The following UST variants were observed in gnomAD, a reference collection of about 807,000 sequenced individuals.
UST encodes the protein uronyl 2-sulfotransferase.
In UST, 21 loss-of-function variants were observed where a neutral mutation model predicts 45.6. The observed-to-expected ratio is 0.46, with a 90% CI of 0.33 to 0.66. The LOEUF is 0.66. Ranked by LOEUF, UST falls within the 30% of genes least tolerant of loss-of-function variation. UST has a pLI of 0.02. For synonymous variants in UST, 215 were observed against 200.6 expected, an observed-to-expected ratio of 1.07 and a Z score of -0.61; for missense variants, 463 against 512.4, an observed-to-expected ratio of 0.90 and a Z score of 0.93.
Position 148,985,317 on chromosome 6 carries a change from C to T in UST, c.681+20754C>T, listed in dbSNP as rs185592387. Among the ~76,000 whole-genome samples the T allele has an allele frequency of 3.0e-3, 450 of 152,112 alleles. 2 individuals are homozygous for T. Among genetic ancestry groups the T allele is most frequent in the Non-Finnish European group, 5.0e-3 (338 of 68,010 alleles). ...GTTGTTGAATTAGAGCCATGGGGTG[C>T]GTATCAGGGATGAGGATAAAAGAGC... On this transcript the variant is annotated intron_variant, in intron 5 of 7. Coordinates refer to ENST00000367463, the MANE Select transcript of UST (RefSeq NM_005715.3).
intron 2 of UST, among the ~76,000 whole-genome samples, chr6:148,925,663 G>A (rs573707452): frequency 1.3e-5 from 2 of 152,266 alleles, no homozygotes; most frequent in South Asian, 4.2e-4. Context: ...AAATAAAATT[G>A]CATTTCTGCA....
chr6:149,046,748 C>T (rs1043024932), intron 7 of UST, among the ~76,000 whole-genome samples: 1 of 152,252 alleles, frequency 6.6e-6, no homozygotes, highest in Non-Finnish European at 1.5e-5. Flanking sequence ...CCGTTTCCGT[C>T]TGCAATAGGG....
intron 2 of UST, among the ~76,000 whole-genome samples, chr6:148,889,798 T>C (rs17079511): frequency 0.21 from 31,188 of 151,922 alleles, 3,914 homozygotes; most frequent in African/African-American, 0.34. Flanking sequence ...TTTGCTGGGA[T>C]TGTCAGTGCC....
rs75187668 is a variant in UST at position 148,791,240 on chromosome 6, A to G, written c.247+43563A>G. ...TGCACAGGACAGTTCCCGCAGGAAC[A>G]ATTATCTGGCCCCAAATGTCAGGAG... On this transcript the variant is annotated intron_variant, in intron 1 of 7. Coordinates refer to ENST00000367463, the MANE Select transcript of UST (RefSeq NM_005715.3). Among the ~76,000 whole-genome samples, 1,279 of 152,296 alleles carry G rather than the reference A, an allele frequency of 8.4e-3. 58 individuals are homozygous for G. The East Asian group carries it at 0.13, about 16-fold the overall frequency.
rs1381378736 is a variant in UST at position 148,789,451 on chromosome 6, TCTCACACA to T, written c.247+41776_247+41783del. Among the ~76,000 whole-genome samples the T allele has an allele frequency of 3.2e-3, 424 of 132,968 alleles. 4 individuals are homozygous for T. Among genetic ancestry groups the T allele is most frequent in the African/African-American group, 0.01 (361 of 35,642 alleles). The allele number at this position is 132,968 out of a possible 152,430, so 87.2% of individuals were successfully genotyped here. A position where few individuals can be genotyped will look rare whatever the true frequency, so the allele number is the denominator to read the frequency against. ...ATCTCTCTCTCTCTCTCTCTCTCTC[TCTCACACA>T]CACACACACACACACACACACACAC... On this transcript the variant is annotated intron_variant, in intron 1 of 7. Coordinates refer to ENST00000367463, the MANE Select transcript of UST (RefSeq NM_005715.3).
chr6:148,914,186 A>G (rs924685965), intron 2 of UST, among the ~76,000 whole-genome samples: 1 of 152,202 alleles, frequency 6.6e-6, no homozygotes, highest in African/African-American at 2.4e-5. Flanking sequence ...CTGCATTAGG[A>G]GATACATAAG....
chr6:148,890,337 G>T (rs1778992417), intron 2 of UST, among the ~76,000 whole-genome samples: 4 of 152,110 alleles, frequency 2.6e-5, no homozygotes, highest in Admixed American at 2.0e-4. Flanking sequence ...TAGACCACTG[G>T]CTTATCCAGG....
At chr6:148,912,052 C>T (rs1450395789) in intron 2 of UST, among the ~76,000 whole-genome samples, 1 of 152,142 alleles carries the variant, frequency 6.6e-6, no homozygotes, top group Non-Finnish European at 1.5e-5. Context: ...TAAAAATTAG[C>T]TGGGCATGGT....
chr6:148,905,384 G>A (rs956726555), intron 2 of UST, among the ~76,000 whole-genome samples: 3 of 152,148 alleles, frequency 2.0e-5, no homozygotes, highest in Admixed American at 2.0e-4. Context: ...TTCTCTTCTA[G>A]GCTCACACCC....
At chr6:148,993,041 A>C (rs533323102) in intron 5 of UST, 2 of 985,308 alleles carry the variant, frequency 2.0e-6, no homozygotes, top group African/African-American at 3.5e-5. Context: ...TTCAATCCCA[A>C]CTGGCAAGGA....
intron 1 of UST, among the ~76,000 whole-genome samples, chr6:148,786,480 C>G (rs1776737952): frequency 6.6e-6 from 1 of 152,168 alleles, no homozygotes; most frequent in African/African-American, 2.4e-5. Context: ...TAAGAGAGAA[C>G]ATGCTGTATT....
At chr6:148,951,308 G>A (rs923945218) in intron 3 of UST, among the ~76,000 whole-genome samples, 7 of 152,224 alleles carry the variant, frequency 4.6e-5, no homozygotes, top group Non-Finnish European at 7.3e-5. Flanking sequence ...TGGATAAAGA[G>A]TAAAGATGGG....
Position 149,074,378 on chromosome 6 carries a change from T to G in UST, c.*262T>G. The G allele has an allele frequency of 2.1e-6, 1 of 476,252 alleles. No homozygotes were observed. The highest frequency in any genetic ancestry group is 3.7e-6 in the Non-Finnish European group (1 of 267,634). The allele number at this position is 476,252 out of a possible 1,614,324, so 29.5% of individuals were successfully genotyped here. A position where few individuals can be genotyped will look rare whatever the true frequency, so the allele number is the denominator to read the frequency against. On this transcript the variant is annotated 3_prime_UTR_variant, in exon 8 of 8. Transcript: ENST00000367463. ...CAAGGCATCTTGTCATAAAACAGCT[T>G]TCCCCCACCCCATATCATGGGAAAA... is the stretch of plus-strand genomic sequence containing the variant.
At chr6:149,035,017 C>T (rs1324853644) in intron 7 of UST, among the ~76,000 whole-genome samples, 1 of 152,064 alleles carries the variant, frequency 6.6e-6, no homozygotes, top group Non-Finnish European at 1.5e-5. Context: ...GAATTCTTAA[C>T]ATTTTGTTTC....
intron 3 of UST, among the ~76,000 whole-genome samples, chr6:148,944,235 G>T (rs1780187036): frequency 6.6e-6 from 1 of 152,052 alleles, no homozygotes. Context: ...TAGAATCATT[G>T]TCCTCTAGAG....
intron 1 of UST, among the ~76,000 whole-genome samples, chr6:148,804,352 C>G (rs1777109057): frequency 6.6e-6 from 1 of 152,174 alleles, no homozygotes; most frequent in Non-Finnish European, 1.5e-5. Context: ...CCCCACTCAG[C>G]TCCATATCCC....
intron 1 of UST, among the ~76,000 whole-genome samples, chr6:148,869,993 C>G (rs557935618): frequency 6.6e-6 from 1 of 152,218 alleles, no homozygotes; most frequent in South Asian, 2.1e-4. Flanking sequence ...ACCCATAACC[C>G]AGCAAGAATT....
intron 1 of UST, among the ~76,000 whole-genome samples, chr6:148,831,055 A>C (rs1777676092): frequency 6.8e-6 from 1 of 146,932 alleles, no homozygotes; most frequent in African/African-American, 2.5e-5. Flanking sequence ...AGATGAAAGA[A>C]AAAGAAAGAA....
intron 7 of UST, among the ~76,000 whole-genome samples, chr6:149,059,499 G>A (rs143721279): frequency 2.6e-5 from 4 of 152,282 alleles, no homozygotes; most frequent in African/African-American, 7.2e-5. Context: ...CTTCCCATCC[G>A]CAGTGAAACA....
Sources: allele counts gnomAD v4.1 joint callset (sites outside exome capture counted in the v4.1 genomes callset), GRCh38; gene constraint gnomAD v4.1.1; transcripts MANE v1.5; gene names NCBI Gene and HGNC (gene_info 2026-07-23, HGNC 2026-07-21).